RNF6: variants seen among roughly 807,000 people sequenced by gnomAD.
RNF6 encodes the protein ring finger protein 6.
Under a neutral mutation model 50.1 loss-of-function variants are expected in RNF6, and 21 were observed. The ratio of observed to expected loss-of-function variants is 0.42; its 90% confidence interval spans 0.30 to 0.60. The LOEUF (loss-of-function observed/expected upper bound fraction) is 0.60, where lower values mean the gene tolerates loss of function less well. Among genes scored for constraint, RNF6 ranks in the 20% least tolerant of loss-of-function variants. The pLI, the probability that RNF6 is intolerant of heterozygous loss-of-function variation, is 0.20. For missense variants in RNF6, 698 were observed against 838.2 expected, an observed-to-expected ratio of 0.83 and a Z score of 2.07; for synonymous variants, 255 against 291.8, an observed-to-expected ratio of 0.87 and a Z score of 1.29.
chr13:26,139,982 G>A (rs912293176), intron 5 of RNF6, among the ~76,000 whole-genome samples: 9 of 152,158 alleles, frequency 5.9e-5, no homozygotes, highest in Non-Finnish European at 8.8e-5. Flanking sequence ...AGCCTGTAAT[G>A]AACCTGACCT....
chr13:26,198,521 A>G (rs1868767654), intron 5 of RNF6, among the ~76,000 whole-genome samples: 1 of 151,924 alleles, frequency 6.6e-6, no homozygotes, highest in Non-Finnish European at 1.5e-5. Context: ...CCATCACAGC[A>G]TCTATGAAAA....
intron 5 of RNF6, among the ~76,000 whole-genome samples, chr13:26,151,939 A>T (rs1444544167): frequency 6.6e-6 from 1 of 151,894 alleles, no homozygotes; most frequent in Non-Finnish European, 1.5e-5. Context: ...TCTTTTCCTC[A>T]CGCAAGGCAC....
At chr13:26,165,589 G>A (rs1218799704) in intron 5 of RNF6, among the ~76,000 whole-genome samples, 1 of 152,190 alleles carries the variant, frequency 6.6e-6, no homozygotes, top group African/African-American at 2.4e-5. Flanking sequence ...CAAAGCCACT[G>A]GAGCAGAGCT....
At chr13:26,173,215 C>A (rs1027577412) in intron 5 of RNF6, among the ~76,000 whole-genome samples, 5 of 152,192 alleles carry the variant, frequency 3.3e-5, no homozygotes, top group Admixed American at 2.0e-4. Flanking sequence ...CCACTGTAAG[C>A]TATAGCTTTA....
chr13:26,202,946 A>C (rs9581587), intron 5 of RNF6, among the ~76,000 whole-genome samples: 31,156 of 152,212 alleles, frequency 0.2, 3,719 homozygotes, highest in East Asian at 0.4. Context: ...GAAGCCCTTA[A>C]CACATGCCAA....
chr13:26,143,877 A>G (rs946055816), intron 5 of RNF6, among the ~76,000 whole-genome samples: 4 of 152,208 alleles, frequency 2.6e-5, no homozygotes, highest in African/African-American at 9.7e-5. Context: ...TCAATGTTGT[A>G]TGGAATACTA....
chr13:26,190,451 CCCT>C (rs1167628839), intron 5 of RNF6, among the ~76,000 whole-genome samples: 1 of 152,186 alleles, frequency 6.6e-6, no homozygotes, highest in African/African-American at 2.4e-5. Context: ...AAGCTGGAAT[CCCT>C]CCTATGTGAC....
At chr13:26,134,828 G>A (rs1870570308) in intron 5 of RNF6, among the ~76,000 whole-genome samples, 1 of 152,192 alleles carries the variant, frequency 6.6e-6, no homozygotes, top group African/African-American at 2.4e-5. Flanking sequence ...TTACCATTGG[G>A]AATAAAGGTG....
At chr13:26,183,872 T>C (rs1005937107) in intron 5 of RNF6, among the ~76,000 whole-genome samples, 6 of 124,240 alleles carry the variant, frequency 4.8e-5, no homozygotes, top group Non-Finnish European at 8.2e-5. Flanking sequence ...TTTTTATATA[T>C]ATAAAATATA....
At chr13:26,146,681 C>G (rs1420404585) in intron 5 of RNF6, among the ~76,000 whole-genome samples, 1 of 152,160 alleles carries the variant, frequency 6.6e-6, no homozygotes, top group Non-Finnish European at 1.5e-5. Flanking sequence ...CTATGGACCA[C>G]CTTTTCATCT....
intron 1 of RNF6, 181 bp downstream of exon 1, chr13:26,221,821 AC>A (rs1870539362): frequency 6.6e-6 from 1 of 152,228 alleles, no homozygotes; most frequent in Non-Finnish European, 1.5e-5. Context: ...TCCCTTAGAG[AC>A]CTAGATTCTC....
rs115694857 is a variant in RNF6, at chr13:26,188,137, T to G, written n.768+27337A>C. Among the ~76,000 whole-genome samples, 663 of 152,320 alleles carry G rather than the reference T, an allele frequency of 4.4e-3. 6 individuals are homozygous for G. Among genetic ancestry groups the G allele is most frequent in the African/African-American group, 0.015 (638 of 41,574 alleles). On this transcript the variant is annotated intron_variant and non_coding_transcript_variant, in intron 5 of 5. Transcript: ENST00000468480. Reference sequence around the variant, plus strand: ...AGGCTGCCATCCAGACCATCACAACTGTCTTGTGGCTCATGGAGACTTTCA... The same window carrying G: ...AGGCTGCCATCCAGACCATCACAACGGTCTTGTGGCTCATGGAGACTTTCA...
chr13:26,212,592 CACTTT>C (rs1369163284), downstream of RNF6, among the ~76,000 whole-genome samples: 2 of 150,942 alleles, frequency 1.3e-5, no homozygotes, highest in African/African-American at 4.9e-5. Flanking sequence ...AATAATAATT[CACTTT>C]ATCAATTGAT....
intron 5 of RNF6, among the ~76,000 whole-genome samples, chr13:26,193,634 G>A (rs1293560475): frequency 1.3e-5 from 2 of 152,088 alleles, no homozygotes; most frequent in African/African-American, 4.8e-5. Context: ...AAGGAAAGTG[G>A]AGAGAGGGTA....
At chr13:26,211,618 C>T (rs551309893), downstream of RNF6, among the ~76,000 whole-genome samples, 4 of 152,110 alleles carry the variant, frequency 2.6e-5, no homozygotes, top group South Asian at 2.1e-4. Context: ...ATTCGCCGGG[C>T]GTGGTGGCGC....
At chr13:26,193,930 C>A (rs1868559421) in intron 5 of RNF6, among the ~76,000 whole-genome samples, 1 of 152,130 alleles carries the variant, frequency 6.6e-6, no homozygotes, top group South Asian at 2.1e-4. Flanking sequence ...GTAATTATTT[C>A]TATTTTCTTA....
chr13:26,209,440 CTTCT>C (rs1869231137), downstream of RNF6, among the ~76,000 whole-genome samples: 1 of 152,238 alleles, frequency 6.6e-6, no homozygotes, highest in African/African-American at 2.4e-5. Context: ...ATGTATGGCA[CTTCT>C]TTCCCTGTTT....
intron 5 of RNF6, among the ~76,000 whole-genome samples, chr13:26,161,087 T>A (rs909581964): frequency 6.6e-6 from 1 of 152,184 alleles, no homozygotes; most frequent in African/African-American, 2.4e-5. Flanking sequence ...AAAAAAGTTA[T>A]CCTCAGCTCT....
rs17083434 is a variant in RNF6 at position 26,213,315 on chromosome 13, A to G, written c.*509T>C. The G allele has an allele frequency of 0.022, 3,432 of 152,954 alleles. 104 individuals are homozygous for G. Among genetic ancestry groups the G allele is most frequent in the South Asian group, 0.081 (391 of 4,824 alleles). 9.5% of individuals were successfully genotyped at this position (152,954 alleles called of 1,614,324 possible). On this transcript the variant is annotated 3_prime_UTR_variant, in exon 5 of 5. Transcript: ENST00000381588. ...ATATACCTATATATACACCTATGGT[A>G]TGCTGCATATTAAATTTAACATTTC...
Sources: allele counts gnomAD v4.1 joint callset (sites outside exome capture counted in the v4.1 genomes callset), GRCh38; gene constraint gnomAD v4.1.1; transcripts MANE v1.5; gene names NCBI Gene and HGNC (gene_info 2026-07-23, HGNC 2026-07-21).